The following FAM13A variants were observed in gnomAD, a reference collection of about 807,000 sequenced individuals.
FAM13A encodes protein FAM13A.
In FAM13A, 76 loss-of-function variants were observed where a neutral mutation model predicts 129.6. The ratio of observed to expected loss-of-function variants is 0.59; its 90% CI spans 0.49 to 0.71. The LOEUF (loss-of-function observed/expected upper bound fraction) is 0.71, where lower values mean the gene tolerates loss of function less well. Among genes scored for constraint, FAM13A ranks in the 30% least tolerant of loss-of-function variants. FAM13A has a pLI of 0.00. For missense variants in FAM13A, 1,108 were observed against 1,249.3 expected (o/e 0.89, Z 1.70); for synonymous variants, 443 against 449.9 (o/e 0.98, Z 0.20).
chr4:89,010,079 G>A (rs1259376892), intron 3 of FAM13A, among the ~76,000 whole-genome samples: 6 of 152,046 alleles, frequency 3.9e-5, no homozygotes, highest in East Asian at 1.9e-4. Flanking sequence ...TATCCTTGTC[G>A]GCAATGTGTC....
intron 3 of FAM13A, among the ~76,000 whole-genome samples, chr4:89,014,645 A>C (rs1766217224): frequency 6.6e-6 from 1 of 152,234 alleles, no homozygotes; most frequent in Non-Finnish European, 1.5e-5. Context: ...CTTTACTGCA[A>C]TCTCTGAACA....
intron 3 of FAM13A, among the ~76,000 whole-genome samples, chr4:89,019,761 C>CAAAAAAAAAAAAAAAAAAA (rs61682568): frequency 1.7e-5 from 1 of 57,818 alleles, no homozygotes; most frequent in Non-Finnish European, 3.4e-5. Context: ...AACTACATCT[C>CAAAAAAAAAAAAAAAAAAA]AAAAAAAAAA....
chr4:88,923,998 G>A (rs1751642253), intron 5 of FAM13A, among the ~76,000 whole-genome samples: 1 of 152,248 alleles, frequency 6.6e-6, no homozygotes, highest in Non-Finnish European at 1.5e-5. Flanking sequence ...ACTTACAAAG[G>A]ACGTGAAGGA....
intron 6 of FAM13A, among the ~76,000 whole-genome samples, chr4:88,868,720 GCCTC>G: frequency 6.6e-6 from 1 of 152,146 alleles, no homozygotes; most frequent in South Asian, 2.1e-4. Context: ...TCTCTCACAT[GCCTC>G]CCTCCCTTTG....
chr4:88,795,041 T>C (rs1007436373), intron 8 of FAM13A, among the ~76,000 whole-genome samples: 1 of 151,814 alleles, frequency 6.6e-6, no homozygotes, highest in Non-Finnish European at 1.5e-5. Context: ...TTTATTCCTT[T>C]TGTTTTAACC....
At chr4:88,877,866 C>T (rs536491370) in intron 6 of FAM13A, among the ~76,000 whole-genome samples, 4 of 152,308 alleles carry the variant, frequency 2.6e-5, no homozygotes, top group East Asian at 3.9e-4. Flanking sequence ...CTTAACAAGG[C>T]CCCTCGCAGT....
At chr4:89,022,845 G>C (rs1279823409) in intron 2 of FAM13A, among the ~76,000 whole-genome samples, 1 of 152,124 alleles carries the variant, frequency 6.6e-6, no homozygotes, top group African/African-American at 2.4e-5. Flanking sequence ...CCAACGACCA[G>C]TGAATAACTG....
chr4:88,972,299 C>CT (rs57674045), intron 4 of FAM13A, among the ~76,000 whole-genome samples: 14,375 of 137,058 alleles, frequency 0.1, 1,007 homozygotes, highest in Middle Eastern at 0.12. Context: ...TTCTCCTTCA[C>CT]TTTTTTTTTT....
intron 21 of FAM13A, among the ~76,000 whole-genome samples, chr4:88,733,273 CA>C (rs1388621040): frequency 6.6e-6 from 1 of 152,060 alleles, no homozygotes; most frequent in Non-Finnish European, 1.5e-5. Flanking sequence ...AATAAACAAG[CA>C]ACCAAACAAA....
At chr4:89,038,776 C>A (rs190475385) in intron 1 of FAM13A, among the ~76,000 whole-genome samples, 1 of 152,098 alleles carries the variant, frequency 6.6e-6, no homozygotes, top group Admixed American at 6.6e-5. Flanking sequence ...TAGAAAACCA[C>A]CATTTTTTCT....
Position 88,787,848 on chromosome 4 carries a change from T to C in FAM13A, c.1176A>G (p.Ser392=), listed in dbSNP as rs755032907. ...NNSGGQSSED[S]ESGTLSASSA... ...AAGATGCTGATAGTGTTCCAGATTC[T>C]GAGTCCTCTGAACTTTGACCTCCAG... is the stretch of plus-strand genomic sequence containing the variant. Residue 392 remains serine (S), a synonymous_variant, in exon 10 of 24, where the codon TCA becomes TCG. Coordinates refer to ENST00000264344, the MANE Select transcript of FAM13A (RefSeq NM_014883.4). 3.1e-6 allele frequency: 5 copies of C among 1,613,646 alleles called. No individual in the cohort carries two copies. In the African/African-American group the frequency reaches 6.7e-5, roughly 22 times the overall value.
chr4:88,993,045 A>G (rs1331500009), intron 3 of FAM13A, among the ~76,000 whole-genome samples: 2 of 152,352 alleles, frequency 1.3e-5, no homozygotes, highest in East Asian at 1.9e-4. Context: ...AGACACAGTG[A>G]CATTGAGAGG....
chr4:88,742,157 G>A (rs886632852), intron 19 of FAM13A, among the ~76,000 whole-genome samples: 2 of 152,160 alleles, frequency 1.3e-5, no homozygotes, highest in African/African-American at 4.8e-5. Flanking sequence ...TCCATTACTA[G>A]TTATTTGGCA....
At chr4:89,045,626 T>G (rs1579917847) in intron 1 of FAM13A, among the ~76,000 whole-genome samples, 1 of 152,204 alleles carries the variant, frequency 6.6e-6, no homozygotes, top group Non-Finnish European at 1.5e-5. Context: ...GCAAAAATCA[T>G]GCACTATGTA....
chr4:89,037,357 A>G (rs753141961), intron 1 of FAM13A, among the ~76,000 whole-genome samples: 3 of 152,166 alleles, frequency 2.0e-5, no homozygotes, highest in Non-Finnish European at 2.9e-5. Flanking sequence ...CTGGGTTTCA[A>G]ACTTGCACAG....
At chr4:88,806,605 T>C (rs751773618) in intron 7 of FAM13A, among the ~76,000 whole-genome samples, 59 of 152,294 alleles carry the variant, frequency 3.9e-4, no homozygotes, top group South Asian at 6.2e-4. Flanking sequence ...GTTTCCAATT[T>C]CAACACTGAT....
intron 3 of FAM13A, among the ~76,000 whole-genome samples, chr4:89,007,592 G>T (rs1398891565): frequency 6.6e-6 from 1 of 152,174 alleles, no homozygotes; most frequent in Non-Finnish European, 1.5e-5. Flanking sequence ...GAAACTGTGA[G>T]AGAAGATACA....
chr4:88,806,279 G>C (rs1487027943), intron 7 of FAM13A, among the ~76,000 whole-genome samples: 2 of 152,072 alleles, frequency 1.3e-5, no homozygotes, highest in Non-Finnish European at 2.9e-5. Context: ...TGTACCCCTA[G>C]GATTCCTCTT....
intron 11 of FAM13A, among the ~76,000 whole-genome samples, chr4:88,775,378 T>C (rs1214899379): frequency 6.6e-6 from 1 of 152,008 alleles, no homozygotes; most frequent in Non-Finnish European, 1.5e-5. Context: ...GGGGATGGAA[T>C]CTAGACTATA....
Sources: gnomAD v4.1 joint callset for allele counts (sites outside exome capture counted in the v4.1 genomes callset) on GRCh38, gnomAD v4.1.1 for gene constraint, MANE v1.5 for transcripts, NCBI Gene and HGNC (gene_info 2026-07-23, HGNC 2026-07-21) for gene names.